Variants in ADCYAP1R1 observed in about 807,000 individuals in gnomAD.
ADCYAP1R1 encodes the protein ADCYAP receptor type I.
In ADCYAP1R1, 44 loss-of-function variants were observed where a neutral mutation model predicts 67.6. That is an observed-to-expected ratio of 0.65 (90% CI 0.51 to 0.84). The LOEUF (loss-of-function observed/expected upper bound fraction) is 0.84, where lower values mean the gene tolerates loss of function less well. ADCYAP1R1 is among the 40% of genes least tolerant of loss of function. The probability of loss-of-function intolerance (pLI) is 0.00; values close to 1 mark genes in which losing one functional copy is unlikely to be tolerated. For missense variants in ADCYAP1R1, 477 were observed against 587.9 expected, an observed-to-expected ratio of 0.81 and a Z score of 1.95; for synonymous variants, 222 against 219.6, an observed-to-expected ratio of 1.01 and a Z score of -0.10.
At chr7:31,084,638 TG>T in intron 7 of ADCYAP1R1, 98 bp from the exon 8 acceptor site, 1 of 945,656 alleles carries the variant, frequency 1.1e-6, no homozygotes, top group Non-Finnish European at 1.7e-6. Context: ...GGCCTGGAGG[TG>T]GGCAGGCCCT....
At chr7:31,079,285 C>T (rs1795414413) in intron 4 of ADCYAP1R1, among the ~76,000 whole-genome samples, 1 of 152,178 alleles carries the variant, frequency 6.6e-6, no homozygotes. Context: ...GGCAGGGTGG[C>T]CAGCTGAAGG....
intron 3 of ADCYAP1R1, among the ~76,000 whole-genome samples, 178 bp downstream of exon 3, chr7:31,065,114 T>C (rs1453279194): frequency 6.6e-6 from 1 of 152,168 alleles, no homozygotes; most frequent in Admixed American, 6.5e-5. Context: ...GTTGCTCTCC[T>C]CAAGGCTGAT....
intron 3 of ADCYAP1R1, among the ~76,000 whole-genome samples, chr7:31,073,142 C>T (rs950032495): frequency 6.6e-6 from 1 of 152,188 alleles, no homozygotes; most frequent in South Asian, 2.1e-4. Flanking sequence ...TGCTTACAAA[C>T]TTACAGCAGC....
chr7:31,099,788 CA>C (rs1796358122), intron 13 of ADCYAP1R1, among the ~76,000 whole-genome samples: 1 of 152,174 alleles, frequency 6.6e-6, no homozygotes, highest in Non-Finnish European at 1.5e-5. Context: ...AGCTTGGAGC[CA>C]ACTCTGGAGG....
At chr7:31,103,597 C>T (rs1429068966) in intron 14 of ADCYAP1R1, among the ~76,000 whole-genome samples, 1 of 152,174 alleles carries the variant, frequency 6.6e-6, no homozygotes, top group Non-Finnish European at 1.5e-5. Flanking sequence ...ACTCCTGGCC[C>T]CCACCCTGGG....
chr7:31,098,777 CAT>C (rs1200143316), intron 13 of ADCYAP1R1, among the ~76,000 whole-genome samples: 3 of 148,508 alleles, frequency 2.0e-5, no homozygotes, highest in Admixed American at 6.9e-5. Flanking sequence ...AGCGAAATGA[CAT>C]GTCACCACCT....
intron 6 of ADCYAP1R1, 57 bp downstream of exon 6, chr7:31,081,811 C>T: frequency 6.8e-7 from 1 of 1,460,064 alleles, no homozygotes; most frequent in Non-Finnish European, 9.4e-7. Flanking sequence ...CGTCTGCTGA[C>T]ATGTGAGCTT....
Position 31,098,503 on chromosome 7 carries a change from C to G in ADCYAP1R1, c.1047-4734C>G, listed in dbSNP as rs748060261. Among the ~76,000 whole-genome samples the G allele has an allele frequency of 6.4e-4, 97 of 152,250 alleles. No individual in the cohort carries two copies. In the Middle Eastern group the frequency reaches 0.024, roughly 37 times the overall value. ...GTCCGAGGTGGCACCTGGGATTCTG[C>G]ATTTCTAAGAAGCTCTCAGGTGGTG... On this transcript the variant is annotated intron_variant, in intron 13 of 15. Coordinates refer to ENST00000304166, the MANE Select transcript of ADCYAP1R1 (RefSeq NM_001118.5).
intron 14 of ADCYAP1R1, among the ~76,000 whole-genome samples, chr7:31,103,726 A>G (rs1796526951): frequency 6.6e-6 from 1 of 152,162 alleles, no homozygotes; most frequent in Non-Finnish European, 1.5e-5. Flanking sequence ...GTTCTGTCTT[A>G]CCTACATCTA....
intron 6 of ADCYAP1R1, among the ~76,000 whole-genome samples, chr7:31,083,865 C>A (rs1399836808): frequency 6.6e-6 from 1 of 152,210 alleles, no homozygotes; most frequent in East Asian, 1.9e-4. Context: ...GACTCAGGCC[C>A]ATCCCTGATG....
intron 3 of ADCYAP1R1, among the ~76,000 whole-genome samples, chr7:31,066,319 G>A (rs947323079): frequency 6.6e-6 from 1 of 152,206 alleles, no homozygotes; most frequent in Non-Finnish European, 1.5e-5. Flanking sequence ...CATCCAGGAG[G>A]GAAGAATAAA....
At chr7:31,077,799 G>A (rs1229366394) in intron 3 of ADCYAP1R1, among the ~76,000 whole-genome samples, 192 bp from the exon 4 acceptor site, 1 of 148,268 alleles carries the variant, frequency 6.7e-6, no homozygotes, top group Non-Finnish European at 1.5e-5. Flanking sequence ...TGTGTGCGGT[G>A]TCTGTTGTGT....
intron 11 of ADCYAP1R1, 70 bp from the exon 12 acceptor site, chr7:31,087,557 G>GA (rs1795801500): frequency 2.9e-6 from 4 of 1,399,838 alleles, no homozygotes; most frequent in Non-Finnish European, 4.1e-6. Context: ...GCTAGGCAGG[G>GA]CAGTGTCCCG....
intron 1 of ADCYAP1R1, among the ~76,000 whole-genome samples, chr7:31,054,525 A>G (rs1327247499): frequency 6.6e-6 from 1 of 152,246 alleles, no homozygotes; most frequent in East Asian, 1.9e-4. Flanking sequence ...TGTGTCGAAT[A>G]AATAAATACA....
intron 1 of ADCYAP1R1, among the ~76,000 whole-genome samples, chr7:31,053,472 C>T (rs954548186): frequency 3.3e-5 from 5 of 152,182 alleles, no homozygotes; most frequent in African/African-American, 1.2e-4. Context: ...GGGACCTTGG[C>T]AGGTTAGGGG....
At chr7:31,064,231 C>T (rs927909988) in intron 2 of ADCYAP1R1, among the ~76,000 whole-genome samples, 1 of 152,092 alleles carries the variant, frequency 6.6e-6, no homozygotes, top group Non-Finnish European at 1.5e-5. Context: ...CTGCAGCTGC[C>T]GGGGGCACTT....
intron 4 of ADCYAP1R1, among the ~76,000 whole-genome samples, chr7:31,079,411 A>G (rs1334997225): frequency 6.6e-6 from 1 of 152,068 alleles, no homozygotes; most frequent in Non-Finnish European, 1.5e-5. Flanking sequence ...TATCAGAGGG[A>G]TCTGAGTTGT....
At chr7:31,089,157 G>C (rs1795864976) in intron 12 of ADCYAP1R1, among the ~76,000 whole-genome samples, 1 of 152,080 alleles carries the variant, frequency 6.6e-6, no homozygotes, top group Non-Finnish European at 1.5e-5. Flanking sequence ...GCTATTGCTG[G>C]TGTACAGGAA....
At chr7:31,077,631 GAT>G (rs1432715691) in intron 3 of ADCYAP1R1, among the ~76,000 whole-genome samples, 3 of 146,508 alleles carry the variant, frequency 2.0e-5, no homozygotes, top group South Asian at 2.2e-4. Flanking sequence ...TAGTGTGTAT[GAT>G]ATATGTGTGT....
Sources: gnomAD v4.1 joint callset for allele counts (sites outside exome capture counted in the v4.1 genomes callset) on GRCh38, gnomAD v4.1.1 for gene constraint, MANE v1.5 for transcripts, NCBI Gene and HGNC (gene_info 2026-07-23, HGNC 2026-07-21) for gene names.